Variants in WNT8B observed in about 807,000 individuals in gnomAD.
WNT8B encodes the protein Wnt family member 8B, also known as protein Wnt-8b.
Under a neutral mutation model 36.6 loss-of-function variants are expected in WNT8B, and 24 were observed. The observed-to-expected ratio is 0.66, with a 90% CI of 0.48 to 0.92. The LOEUF is 0.92. Ranked by LOEUF, WNT8B falls within the 40% of genes least tolerant of loss-of-function variation. WNT8B has a pLI of 0.00. For missense variants in WNT8B, 402 were observed against 470.8 expected, an observed-to-expected ratio of 0.85 and a Z score of 1.35; for synonymous variants, 199 against 189.8, an observed-to-expected ratio of 1.05 and a Z score of -0.40.
At chr10:100,480,157 C>T in intron 3 of WNT8B, 145 bp downstream of exon 3, 1 of 1,082,924 alleles carries the variant, frequency 9.2e-7, no homozygotes, top group South Asian at 1.8e-5. Flanking sequence ...TTCTCTTTTC[C>T]TTTTCTACTT....
At position 100,482,430 on chromosome 10, in the gene WNT8B, G is replaced by C. The variant is rs569296758; in HGVS notation, c.670G>C (p.Ala224Pro). ...AALKVDLLQG[A>P]GNSAAGRGAI... ...ACTCAAGGTGGACCTGCTGCAGGGTGCTGGCAACAGCGCGGCCGGCCGCGG... is the reference window on the plus strand; with the variant it reads ...ACTCAAGGTGGACCTGCTGCAGGGTCCTGGCAACAGCGCGGCCGGCCGCGG... Residue 224 changes from alanine to proline, a missense_variant, in exon 6 of 6, where the codon GCT becomes CCT. Physicochemically the swap from Ala to Pro is conservative, Grantham distance 27. Coordinates refer to ENST00000343737, the MANE Select transcript of WNT8B (RefSeq NM_003393.4). The surrounding 1 kb of genome is among the most constrained non-coding windows in gnomAD (Gnocchi z 6.6). 2 of 1,606,452 alleles carry C rather than the reference G, an allele frequency of 1.2e-6. No homozygotes were observed. The highest frequency in any genetic ancestry group is 4.5e-5 in the East Asian group (2 of 44,864).
chr10:100,482,382 C>T lies in WNT8B; in HGVS notation c.622C>T (p.Leu208=), dbSNP rs746026241. The change falls in exon 6 of 6, where the codon CTG becomes TTG. Residue 208 remains leucine, a synonymous_variant. Coordinates refer to ENST00000343737, the MANE Select transcript of WNT8B (RefSeq NM_003393.4). This position sits in a 1 kb window ranked among gnomAD's most constrained non-coding sequence, Gnocchi z 6.6. The stretch of plus-strand genomic sequence containing the variant: ...CGAGTTCCGCGAGGTGGGCGCGCAC[C>T]TGAAGGAGAAGTACCACGCAGCACT... The part of the protein sequence containing the change: ...LPEFREVGAH[L]KEKYHAALKV... 1.1e-5 allele frequency: 17 copies of T among 1,606,638 alleles called. No homozygotes were observed. The highest frequency in any genetic ancestry group is 3.3e-5 in the Admixed American group (2 of 59,990).
At chr10:100,476,863 C>T (rs568248016) in intron 1 of WNT8B, among the ~76,000 whole-genome samples, 2 of 152,332 alleles carry the variant, frequency 1.3e-5, no homozygotes, top group Non-Finnish European at 1.5e-5. Flanking sequence ...CATCTTACAA[C>T]GTTAGTACGA....
At chr10:100,480,823 G>A (rs550190672) in intron 3 of WNT8B, among the ~76,000 whole-genome samples, 175 bp from the exon 4 acceptor site, 6 of 152,236 alleles carry the variant, frequency 3.9e-5, no homozygotes, top group Non-Finnish European at 8.8e-5. Context: ...AGGCAACATA[G>A]TGAGACCGAC....
In WNT8B at chr10:100,482,577, C is replaced by G. The variant is rs1332658035; in HGVS notation, c.817C>G (p.Leu273Val). Residue 273 changes from leucine to valine, a missense_variant, in exon 6 of 6, where the codon CTA becomes GTA. Physicochemically the swap from Leu to Val is conservative, Grantham distance 32. Coordinates refer to ENST00000343737, the MANE Select transcript of WNT8B (RefSeq NM_003393.4). This position sits in a 1 kb window ranked among gnomAD's most constrained non-coding sequence, Gnocchi z 6.6. ...GCTGGGCACCGAAGGCCGAGAGTGC[C>G]TAAGGCGCGGGCGGGCCCTGGGTCG... ...GLLGTEGREC[L>V]RRGRALGRWE... 1 of 1,598,246 alleles carries G rather than the reference C, an allele frequency of 6.3e-7. No individual in the cohort carries two copies. The highest frequency in any genetic ancestry group is 1.7e-5 in the Admixed American group (1 of 59,592).
At chr10:100,466,976 A>AT (rs143845416) in intron 1 of WNT8B, among the ~76,000 whole-genome samples, 36,270 of 150,296 alleles carry the variant, frequency 0.24, 4,509 homozygotes, top group African/African-American at 0.3. Context: ...CAGAAAGTGG[A>AT]TTTTTTTTTT....
At chr10:100,479,201 C>T (rs1851078613) in intron 2 of WNT8B, 116 bp downstream of exon 2, 2 of 986,248 alleles carry the variant, frequency 2.0e-6, no homozygotes, top group Non-Finnish European at 1.4e-6. Flanking sequence ...GTATACATTA[C>T]AGATAGAAAG....
In WNT8B at chr10:100,479,032, G is replaced by GTT; in HGVS notation, c.69-11_69-10dup. 3.2e-5 allele frequency: 45 copies of GTT among 1,401,390 alleles called. No homozygotes were observed. The highest frequency in any genetic ancestry group is 2.0e-4 in the Admixed American group (10 of 49,676). The allele number at this position is 1,401,390 out of a possible 1,614,324, so 86.8% of individuals were successfully genotyped here. A position where few individuals can be genotyped will look rare whatever the true frequency, so the allele number is the denominator to read the frequency against. On this transcript the variant is annotated intron_variant, in intron 1 of 5. Transcript: ENST00000343737. ...TGTCTCTGCATTATATTCTGTTTTT[G>GTT]TTTTTTTTTTCCCTTATAGGTCGGT...
At chr10:100,478,963 T>G in intron 1 of WNT8B, 89 bp from the exon 2 acceptor site, 1 of 1,132,724 alleles carries the variant, frequency 8.8e-7, no homozygotes, top group Non-Finnish European at 1.3e-6. Context: ...TAATGACATG[T>G]GCTGAAGTAA....
At chr10:100,479,211 G>T in intron 2 of WNT8B, 126 bp downstream of exon 2, 1 of 904,620 alleles carries the variant, frequency 1.1e-6, no homozygotes, top group East Asian at 3.0e-5. Context: ...CAGATAGAAA[G>T]ATTGAGACCC....
intron 1 of WNT8B, among the ~76,000 whole-genome samples, chr10:100,478,335 A>T (rs1412023516): frequency 6.6e-6 from 1 of 152,156 alleles, no homozygotes; most frequent in Admixed American, 6.5e-5. Flanking sequence ...TCCTGTCTGC[A>T]AAATAGAGAT....
At chr10:100,479,278 T>A (rs895328838) in intron 2 of WNT8B, among the ~76,000 whole-genome samples, 193 bp downstream of exon 2, 1 of 152,120 alleles carries the variant, frequency 6.6e-6, no homozygotes, top group Admixed American at 6.5e-5. Flanking sequence ...AGCGCCAAGA[T>A]AAGAACGCAG....
At chr10:100,475,112 C>T (rs527239825) in intron 1 of WNT8B, among the ~76,000 whole-genome samples, 3 of 152,072 alleles carry the variant, frequency 2.0e-5, no homozygotes, top group East Asian at 2.0e-4. Flanking sequence ...TGGTGGCACA[C>T]GCCTGTAATC....
rs535414528 is a variant in WNT8B, at chr10:100,469,373, A to G, written c.68+6137A>G. On this transcript the variant is annotated intron_variant, in intron 1 of 5. Coordinates refer to ENST00000343737, the MANE Select transcript of WNT8B (RefSeq NM_003393.4). ...TACCAGCTTTGTTCCCTCTTGACAT[A>G]TTTTTAAGTAGGAGGAAATCTGATT... Among the ~76,000 whole-genome samples the G allele has an allele frequency of 4.6e-5, 7 of 152,298 alleles. No homozygotes were observed. The South Asian group carries it at 1.2e-3, about 27-fold the overall frequency.
chr10:100,466,337 A>G (rs1850907037), intron 1 of WNT8B, among the ~76,000 whole-genome samples: 1 of 152,156 alleles, frequency 6.6e-6, no homozygotes, highest in African/African-American at 2.4e-5. Context: ...CTAGATCAGC[A>G]GCTGCACTGT....
chr10:100,467,556 T>C (rs777279662), intron 1 of WNT8B, among the ~76,000 whole-genome samples: 1 of 152,166 alleles, frequency 6.6e-6, no homozygotes, highest in Non-Finnish European at 1.5e-5. Context: ...TAAATCTCAG[T>C]CCTTTTTCTG....
chr10:100,481,869 G>T (rs755505677), intron 4 of WNT8B, 43 bp from the exon 5 acceptor site: 2 of 1,609,978 alleles, frequency 1.2e-6, no homozygotes, highest in South Asian at 2.2e-5. Flanking sequence ...GAGGCTCTGC[G>T]CCCGCTTGCT....
At chr10:100,469,287 C>A (rs949909758) in intron 1 of WNT8B, among the ~76,000 whole-genome samples, 1 of 152,176 alleles carries the variant, frequency 6.6e-6, no homozygotes, top group Non-Finnish European at 1.5e-5. Flanking sequence ...TGTCATAACT[C>A]CTCACTCTCT....
chr10:100,477,593 C>T (rs1851054489), intron 1 of WNT8B, among the ~76,000 whole-genome samples: 1 of 152,098 alleles, frequency 6.6e-6, no homozygotes, highest in South Asian at 2.1e-4. Flanking sequence ...GCCACCGCAC[C>T]CGGCCACAGT....
Sources: gnomAD v4.1 joint callset for allele counts (sites outside exome capture counted in the v4.1 genomes callset) on GRCh38, gnomAD v4.1.1 for gene constraint, Gnocchi (gnomAD v3.1) non-coding constraint, MANE v1.5 for transcripts, NCBI Gene and HGNC (gene_info 2026-07-23, HGNC 2026-07-21) for gene names.